The following DCC variants were observed in gnomAD, a reference collection of about 807,000 sequenced individuals.
DCC encodes DCC netrin 1 receptor.
Under a neutral mutation model 172.5 loss-of-function variants are expected in DCC, and 58 were observed. That is an observed-to-expected ratio of 0.34 (90% CI 0.27 to 0.42). DCC has a LOEUF of 0.42. Ranked by LOEUF, DCC falls within the 10% of genes least tolerant of loss-of-function variation. The probability of loss-of-function intolerance (pLI) is 1.00; values close to 1 mark genes in which losing one functional copy is unlikely to be tolerated. For missense variants in DCC, 1,740 were observed against 1,791.0 expected (o/e 0.97, Z 0.51); for synonymous variants, 709 against 644.5 (o/e 1.10, Z -1.52).
intron 1 of DCC, among the ~76,000 whole-genome samples, chr18:52,657,133 T>C (rs2035270791): frequency 6.6e-6 from 1 of 152,200 alleles, no homozygotes; most frequent in Non-Finnish European, 1.5e-5. Context: ...GAGTCTGTGC[T>C]GAGACAAAAA....
intron 12 of DCC, among the ~76,000 whole-genome samples, chr18:53,276,556 A>G (rs1482997954): frequency 2.6e-5 from 4 of 152,108 alleles, no homozygotes; most frequent in African/African-American, 9.7e-5. Flanking sequence ...ATGCCATGTG[A>G]CCTCATAAAA....
chr18:52,426,234 C>T (rs1434870721), intron 1 of DCC, among the ~76,000 whole-genome samples: 1 of 151,744 alleles, frequency 6.6e-6, no homozygotes, highest in Non-Finnish European at 1.5e-5. Flanking sequence ...GCAATGAGAA[C>T]ATAATGAAGG....
chr18:52,667,137 G>C (rs2035471046), intron 1 of DCC, among the ~76,000 whole-genome samples: 2 of 152,182 alleles, frequency 1.3e-5, no homozygotes, highest in Middle Eastern at 3.4e-3. Flanking sequence ...CAAATGAGGA[G>C]AGGGACTTTG....
At chr18:52,563,119 C>T (rs2033078099) in intron 1 of DCC, among the ~76,000 whole-genome samples, 2 of 152,036 alleles carry the variant, frequency 1.3e-5, no homozygotes, top group African/African-American at 4.8e-5. Flanking sequence ...TCATCACATC[C>T]TCAGTAATTA....
chr18:53,390,283 G>C (rs34067378), intron 16 of DCC, among the ~76,000 whole-genome samples: 62,728 of 149,328 alleles, frequency 0.42, 14,815 homozygotes, highest in Non-Finnish European at 0.55. Context: ...TTTTGTTTTT[G>C]TTTTCAGTTT....
intron 5 of DCC, among the ~76,000 whole-genome samples, chr18:52,972,931 G>C (rs1243663259): frequency 6.6e-6 from 1 of 152,182 alleles, no homozygotes; most frequent in Non-Finnish European, 1.5e-5. Context: ...ACTGAGCTGT[G>C]CAGTCTGCAG....
At chr18:53,011,566 AAATG>A (rs933049701) in intron 5 of DCC, among the ~76,000 whole-genome samples, 25 of 151,894 alleles carry the variant, frequency 1.6e-4, no homozygotes, top group African/African-American at 6.0e-4. Context: ...ATAATAAAAT[AAATG>A]AATGGGAAGA....
intron 3 of DCC, among the ~76,000 whole-genome samples, chr18:52,913,801 A>G (rs909642999): frequency 1.3e-5 from 2 of 152,052 alleles, no homozygotes; most frequent in African/African-American, 4.8e-5. Context: ...CTCTCACATG[A>G]ACAAGAAAAC....
chr18:52,761,561 C>G (rs1258957120), intron 2 of DCC, among the ~76,000 whole-genome samples: 1 of 152,058 alleles, frequency 6.6e-6, no homozygotes, highest in Non-Finnish European at 1.5e-5. Flanking sequence ...ATAAATATTT[C>G]TGATAGAAAT....
In DCC at chr18:52,906,243, G is replaced by C. The variant is rs144555146; in HGVS notation, c.612G>C (p.Pro204=). The C allele has an allele frequency of 5.6e-6, 9 of 1,613,726 alleles. No homozygotes were observed. The African/African-American group carries it at 9.3e-5, about 17-fold the overall frequency. ...CATTGCAGATCAGCCGACTCCAACC[G>C]GGGGACATTGGAATTTACCGATGCT... ...SGALQISRLQ[P]GDIGIYRCSA... The change falls in exon 3 of 29, where the codon CCG becomes CCC. Residue 204 remains proline, a synonymous_variant. Coordinates refer to ENST00000442544, the MANE Select transcript of DCC (RefSeq NM_005215.4).
Position 53,410,479 on chromosome 18 carries a change from A to G in DCC, c.2963A>G (p.Lys988Arg). The G allele has an allele frequency of 6.2e-7, 1 of 1,609,950 alleles. No individual in the cohort carries two copies. Among genetic ancestry groups the G allele is most frequent in the Non-Finnish European group, 8.5e-7 (1 of 1,176,212 alleles). Residue 988 changes from lysine to arginine, a missense_variant, in exon 20 of 29, where the codon AAG becomes AGG. This residue lies in a region of DCC where 1,732 missense variants were observed against 1,767.4 expected (regional missense o/e 0.98). Coordinates refer to ENST00000442544, the MANE Select transcript of DCC (RefSeq NM_005215.4). ...TACATCTTATTTTATACCTTGGACA[A>G]GAACATCCCAATTGATGACTGGATT... ...TAYILFYTLD[K>R]NIPIDDWIME...
intron 8 of DCC, among the ~76,000 whole-genome samples, chr18:53,170,927 C>A (rs912461268): frequency 6.6e-6 from 1 of 152,212 alleles, no homozygotes; most frequent in East Asian, 1.9e-4. Flanking sequence ...ACTCTGTCAC[C>A]CAAGCTGGAG....
At chr18:52,744,226 T>G (rs1012530520) in intron 1 of DCC, among the ~76,000 whole-genome samples, 4 of 152,212 alleles carry the variant, frequency 2.6e-5, no homozygotes, top group Non-Finnish European at 5.9e-5. Context: ...AATTTGTTTT[T>G]CATATGAAAT....
chr18:52,422,951 T>TAG (rs1987299651), intron 1 of DCC, among the ~76,000 whole-genome samples: 1 of 152,170 alleles, frequency 6.6e-6, no homozygotes, highest in Admixed American at 6.6e-5. Context: ...ACCTTCAATT[T>TAG]GCAGACCTGT....
At chr18:53,424,642 G>A (rs1348935991) in intron 21 of DCC, among the ~76,000 whole-genome samples, 1 of 118,824 alleles carries the variant, frequency 8.4e-6, no homozygotes, top group African/African-American at 2.6e-5. Flanking sequence ...CTATTACCGG[G>A]GGAAGAGTAG....
At position 52,662,449 on chromosome 18, in the gene DCC, A is replaced by G. The variant is rs563702996; in HGVS notation, c.92-89605A>G. On this transcript the variant is annotated intron_variant, in intron 1 of 28. Transcript: ENST00000442544. ...AAGATTCATCCTAAGGGACATGATG[A>G]CATTTCAGAACTTTAGGGAAAAATA... Among the ~76,000 whole-genome samples the G allele has an allele frequency of 8.0e-5, 12 of 149,780 alleles. No individual in the cohort carries two copies. The South Asian group carries it at 2.6e-3, about 33-fold the overall frequency.
At chr18:53,203,428 T>C (rs952242412) in intron 9 of DCC, among the ~76,000 whole-genome samples, 2 of 151,600 alleles carry the variant, frequency 1.3e-5, no homozygotes, top group Non-Finnish European at 2.9e-5. Context: ...CAGTAATTTG[T>C]AAAGATAAAA....
chr18:53,441,605 C>G (rs1158000055), intron 22 of DCC, among the ~76,000 whole-genome samples: 2 of 152,122 alleles, frequency 1.3e-5, no homozygotes, highest in East Asian at 3.9e-4. Flanking sequence ...TCATTCTTTC[C>G]TCCCCCATAT....
chr18:52,941,970 A>G (rs925169541), intron 5 of DCC, among the ~76,000 whole-genome samples: 1 of 152,020 alleles, frequency 6.6e-6, no homozygotes, highest in East Asian at 1.9e-4. Flanking sequence ...TTTAGTAGAG[A>G]CAAGGTTTCA....
Sources: allele counts gnomAD v4.1 joint callset (sites outside exome capture counted in the v4.1 genomes callset), GRCh38; gene constraint gnomAD v4.1.1; regional missense constraint gnomAD v4.1.1; transcripts MANE v1.5; gene names NCBI Gene and HGNC (gene_info 2026-07-23, HGNC 2026-07-21).